The following CPNE7 variants were observed in gnomAD, a reference collection of about 807,000 sequenced individuals.
CPNE7 encodes the protein copine 7.
Under a neutral mutation model 66.5 loss-of-function variants are expected in CPNE7, and 78 were observed. The observed-to-expected ratio is 1.17, with a 90% CI of 0.98 to 1.42. CPNE7 has a LOEUF of 1.42. Ranked by LOEUF, CPNE7 falls within the 40% of genes most tolerant of loss-of-function variation. The pLI, the probability that CPNE7 is intolerant of heterozygous loss-of-function variation, is 0.00. For missense variants in CPNE7, 1,012 were observed against 776.6 expected (o/e 1.30, Z -3.60); for synonymous variants, 468 against 336.7 (o/e 1.39, Z -4.27).
chr16:89,583,526 C>T, intron 2 of CPNE7, 171 bp from the exon 3 acceptor site: 3 of 1,568,412 alleles, frequency 1.9e-6, no homozygotes, highest in African/African-American at 1.4e-5. Context: ...GCAGGGATGG[C>T]AGGTGCTTGA....
rs772899233 is a variant in CPNE7 at position 89,595,590 on chromosome 16, G to A, written c.1526G>A (p.Arg509Gln). Residue 509 changes from arginine to glutamine, a missense_variant, in exon 14 of 15, where the codon CGG (arginine) becomes CAG (glutamine). Coordinates refer to ENST00000319518, the MANE Select transcript of CPNE7 (RefSeq NM_153636.3). ...GACATCGTACAGTTCGTGCCCTTCC[G>A]GGAGCTCAAGAACGTGAGTGTCCTG... ...LRDIVQFVPF[R>Q]ELKNASPAAL... 17 of 1,603,430 alleles carry A rather than the reference G, an allele frequency of 1.1e-5. No individual in the cohort carries two copies. The highest frequency in any genetic ancestry group is 2.7e-5 in the African/African-American group (2 of 74,738).
In CPNE7 at chr16:89,585,413, A is replaced by G. The variant is rs764687278; in HGVS notation, c.592-51A>G. 68 of 1,318,120 alleles carry G rather than the reference A, an allele frequency of 5.2e-5. No homozygotes were observed. In the Middle Eastern group the frequency reaches 8.4e-4, roughly 16 times the overall value. 81.7% of individuals were successfully genotyped at this position (1,318,120 alleles called of 1,614,324 possible). On this transcript the variant is annotated intron_variant, in intron 5 of 14. Coordinates refer to ENST00000319518, the MANE Select transcript of CPNE7 (RefSeq NM_153636.3). The stretch of plus-strand genomic sequence containing the variant: ...TCCACCCAGGTCTCTATCCCCCCCA[A>G]GGATCCCAGGGCCCTGGGCCTCCCC...
At chr16:89,594,946 C>G (rs1214060938) in intron 13 of CPNE7, among the ~76,000 whole-genome samples, 1 of 152,108 alleles carries the variant, frequency 6.6e-6, no homozygotes, top group African/African-American at 2.4e-5. Flanking sequence ...ACCACCGCGT[C>G]CGGCCAACAC....
chr16:89,581,131 A>G lies in CPNE7; in HGVS notation c.358-2566A>G, dbSNP rs561295975. Among the ~76,000 whole-genome samples, 206 of 137,774 alleles carry G rather than the reference A, an allele frequency of 1.5e-3. 1 individual carries two copies. The highest frequency in any genetic ancestry group is 4.9e-3 in the African/African-American group (176 of 36,224). The allele number at this position is 137,774 out of a possible 152,430, so 90.4% of individuals were successfully genotyped here. On this transcript the variant is annotated intron_variant, in intron 2 of 14. Coordinates refer to ENST00000319518, the MANE Select transcript of CPNE7 (RefSeq NM_153636.3). ...GAACATCTCACCAATCACACAGAAC[A>G]TCTCACCCATCACATGGAACATCCC...
intron 9 of CPNE7, 41 bp downstream of exon 9, chr16:89,587,143 T>C (rs1368307543): frequency 9.3e-7 from 1 of 1,072,888 alleles, no homozygotes; most frequent in Non-Finnish European, 1.2e-6. Context: ...CCTCAGTCCG[T>C]GGCCCCGCCC....
At chr16:89,577,980 C>T (rs2058887011) in intron 2 of CPNE7, among the ~76,000 whole-genome samples, 2 of 152,218 alleles carry the variant, frequency 1.3e-5, no homozygotes, top group Non-Finnish European at 2.9e-5. Context: ...CCAGCTGCTG[C>T]CAGGTCCCTG....
At position 89,596,678 on chromosome 16, in the gene CPNE7, T is replaced by G. The variant is rs1188812557; in HGVS notation, c.*57T>G. 6.7e-7 allele frequency: 1 copy of G among 1,482,396 alleles called. No individual in the cohort carries two copies. The highest frequency in any genetic ancestry group is 8.9e-7 in the Non-Finnish European group (1 of 1,122,252). The allele number at this position is 1,482,396 out of a possible 1,614,324, so 91.8% of individuals were successfully genotyped here. ...GGAATGGGTCCGTACAGCCTCTGTC[T>G]GCAACATGCTTGGGGTCCCTTAAGC... On this transcript the variant is annotated 3_prime_UTR_variant, in exon 15 of 15. Coordinates refer to ENST00000319518, the MANE Select transcript of CPNE7 (RefSeq NM_153636.3).
Position 89,595,600 on chromosome 16 carries a change from G to A in CPNE7, c.1536G>A (p.Lys512=). ...IVQFVPFREL[K]NASPAALAKC... ...AGTTCGTGCCCTTCCGGGAGCTCAA[G>A]AACGTGAGTGTCCTGGAGGGGCTCC... The change falls in exon 14 of 15, where the codon AAG becomes AAA. Residue 512 remains lysine, a synonymous_variant. Coordinates refer to ENST00000319518, the MANE Select transcript of CPNE7 (RefSeq NM_153636.3). 2 of 1,600,772 alleles carry A rather than the reference G, an allele frequency of 1.2e-6. No individual in the cohort carries two copies. The highest frequency in any genetic ancestry group is 4.5e-5 in the East Asian group (2 of 44,576).
At chr16:89,579,556 A>G (rs550448429) in intron 2 of CPNE7, among the ~76,000 whole-genome samples, 1 of 150,746 alleles carries the variant, frequency 6.6e-6, no homozygotes, top group African/African-American at 2.4e-5. Context: ...CATGACACGG[A>G]ACATCCCGTC....
chr16:89,586,867 C>G, intron 8 of CPNE7, 111 bp downstream of exon 8: 1 of 1,170,038 alleles, frequency 8.5e-7, no homozygotes, highest in Non-Finnish European at 1.3e-6. Context: ...CCCAGCACGT[C>G]TGGGGAGGGG....
chr16:89,575,952 C>T lies in CPNE7; in HGVS notation c.55C>T (p.Pro19Ser). 1 of 1,346,494 alleles carries T rather than the reference C, an allele frequency of 7.4e-7. No individual in the cohort carries two copies. Among genetic ancestry groups the T allele is most frequent in the East Asian group, 3.1e-5 (1 of 32,248 alleles). 83.4% of individuals were successfully genotyped at this position (1,346,494 alleles called of 1,614,324 possible). Residue 19 changes from proline to serine, a missense_variant, in exon 1 of 15, where the codon CCC becomes TCC. By Grantham distance (74) the Pro-to-Ser change is moderately conservative. Transcript: ENST00000319518. Reference sequence around the variant, plus strand: ...GGCAACCCCCGGGGGTTTGCCCGCGCCCTGCGCCTCGAAGGTGGAGCTGCG... The same window carrying T: ...GGCAACCCCCGGGGGTTTGCCCGCGTCCTGCGCCTCGAAGGTGGAGCTGCG... The part of the protein sequence containing the change: ...AAATPGGLPA[P>S]CASKVELRLS...
chr16:89,591,381 A>G (rs1237187757), intron 13 of CPNE7, 121 bp downstream of exon 13: 2 of 1,374,432 alleles, frequency 1.5e-6, no homozygotes, highest in Non-Finnish European at 1.9e-6. Flanking sequence ...CCCAGGCAGG[A>G]CAGAGCTCAG....
intron 9 of CPNE7, among the ~76,000 whole-genome samples, chr16:89,588,190 G>A (rs1236127139): frequency 8.6e-4 from 95 of 109,866 alleles, no homozygotes; most frequent in East Asian, 2.8e-3. Flanking sequence ...ACAGATACAC[G>A]GCCCCCGTGT....
At position 89,587,705 on chromosome 16, in the gene CPNE7, TCACCCCCATAG is replaced by T. The variant is rs1168750219; in HGVS notation, c.927+611_927+621del. ...CACCCATAGATACGCACACCCCGTG[TCACCCCCATAG>T]CACCCCCGTGTCACCCACAGATACA... On this transcript the variant is annotated intron_variant, in intron 9 of 14. Coordinates refer to ENST00000319518, the MANE Select transcript of CPNE7 (RefSeq NM_153636.3). 9.9e-5 allele frequency: 31 copies of T among 312,160 alleles called. 1 individual carries two copies. Among genetic ancestry groups the T allele is most frequent in the Middle Eastern group, 1.0e-3 (1 of 998 alleles). 19.3% of individuals were successfully genotyped at this position (312,160 alleles called of 1,614,324 possible). A position where few individuals can be genotyped will look rare whatever the true frequency, so the allele number is the denominator to read the frequency against.
chr16:89,589,790 C>G, intron 10 of CPNE7, 107 bp from the exon 11 acceptor site: 1 of 1,243,064 alleles, frequency 8.0e-7, no homozygotes, highest in Non-Finnish European at 1.1e-6. Context: ...GGTACCAGGC[C>G]TGGGCACCCC....
intron 2 of CPNE7, among the ~76,000 whole-genome samples, 199 bp downstream of exon 2, chr16:89,577,920 T>C (rs1282013668): frequency 6.6e-6 from 1 of 152,210 alleles, no homozygotes; most frequent in Non-Finnish European, 1.5e-5. Context: ...TTCGTATGTT[T>C]TAAAGCCTGA....
intron 14 of CPNE7, among the ~76,000 whole-genome samples, 165 bp from the exon 15 acceptor site, chr16:89,596,319 C>T (rs770426634): frequency 8.5e-5 from 13 of 152,166 alleles, no homozygotes; most frequent in African/African-American, 2.7e-4. Flanking sequence ...CTCATGTGGC[C>T]GACATCCTCA....
Position 89,595,468 on chromosome 16 carries a change from C to A in CPNE7, c.1404C>A (p.Ile468=), listed in dbSNP as rs750941132. ...CCTCACGCCTGCCCATGTCCATCATCATCGTGGGCGTGGGCAACGCCGACT... is the reference window on the plus strand; with the variant it reads ...CCTCACGCCTGCCCATGTCCATCATAATCGTGGGCGTGGGCAACGCCGACT... ...VRASRLPMSI[I]IVGVGNADFT... The change falls in exon 14 of 15, where the codon ATC becomes ATA. Residue 468 remains isoleucine, a synonymous_variant. Transcript: ENST00000319518. The A allele has an allele frequency of 3.7e-6, 6 of 1,612,384 alleles. No homozygotes were observed. The highest frequency in any genetic ancestry group is 5.1e-6 in the Non-Finnish European group (6 of 1,179,814).
At chr16:89,588,258 A>C (rs975307264) in intron 9 of CPNE7, among the ~76,000 whole-genome samples, 12 of 148,716 alleles carry the variant, frequency 8.1e-5, no homozygotes, top group Admixed American at 2.0e-4. Flanking sequence ...TTATTTGCAG[A>C]TGCGCTGGTT....
Sources: gnomAD v4.1 joint callset for allele counts (sites outside exome capture counted in the v4.1 genomes callset) on GRCh38, gnomAD v4.1.1 for gene constraint, MANE v1.5 for transcripts, NCBI Gene and HGNC (gene_info 2026-07-23, HGNC 2026-07-21) for gene names.